EXOC2: variants seen among roughly 807,000 people sequenced by gnomAD.
The protein encoded by EXOC2 is SEC5-like 1.
Under a neutral mutation model 131.8 loss-of-function variants are expected in EXOC2, and 70 were observed. The ratio of observed to expected loss-of-function variants is 0.53; its 90% CI spans 0.44 to 0.65. EXOC2 has a LOEUF of 0.65. Among genes scored for constraint, EXOC2 ranks in the 30% least tolerant of loss-of-function variants. The probability of loss-of-function intolerance (pLI) is 0.00; values close to 1 mark genes in which losing one functional copy is unlikely to be tolerated. For synonymous variants in EXOC2, 411 were observed against 398.4 expected (o/e 1.03, Z -0.38); for missense variants, 923 against 1,108.6 (o/e 0.83, Z 2.38).
intron 1 of EXOC2, chr6:679,109 C>T (rs1035553444): frequency 1.3e-5 from 2 of 151,990 alleles, no homozygotes; most frequent in African/African-American, 4.8e-5. Flanking sequence ...CAACGGTGAA[C>T]ACACTAAGTT....
chr6:587,654 A>G (rs1759291511), intron 11 of EXOC2, among the ~76,000 whole-genome samples: 1 of 152,178 alleles, frequency 6.6e-6, no homozygotes, highest in Admixed American at 6.5e-5. Context: ...ACTCTATTTC[A>G]CTAATGGCGA....
intron 13 of EXOC2, among the ~76,000 whole-genome samples, chr6:567,185 G>C (rs575812838): frequency 1.3e-5 from 2 of 152,336 alleles, no homozygotes; most frequent in Non-Finnish European, 2.9e-5. Context: ...GGCCTGGGAT[G>C]AAGCCACTGC....
intron 5 of EXOC2, among the ~76,000 whole-genome samples, chr6:618,672 G>T (rs1761135660): frequency 6.6e-6 from 1 of 152,072 alleles, no homozygotes; most frequent in African/African-American, 2.4e-5. Flanking sequence ...TTGGACATTT[G>T]CTTTAAAAAG....
chr6:662,495 A>G (rs1581652247), intron 1 of EXOC2, among the ~76,000 whole-genome samples: 1 of 152,382 alleles, frequency 6.6e-6, no homozygotes, highest in Non-Finnish European at 1.5e-5. Context: ...ATCAACTCCA[A>G]ACAGAACCTT....
At chr6:662,206 G>A (rs185360414) in intron 1 of EXOC2, among the ~76,000 whole-genome samples, 2 of 152,112 alleles carry the variant, frequency 1.3e-5, no homozygotes, top group Admixed American at 6.5e-5. Flanking sequence ...AATAATAGTG[G>A]GGGACTTCAA....
Position 560,197 on chromosome 6 carries a change from C to T in EXOC2, c.1851+2587G>A, listed in dbSNP as rs77158047. On this transcript the variant is annotated intron_variant, in intron 17 of 27. Transcript: ENST00000230449. ...GAGCTTTGCAGTTTACCAGGTGCTT[C>T]GGTCCACAGTATCTCATTGTATCCT... is the stretch of plus-strand genomic sequence containing the variant. Among the ~76,000 whole-genome samples, 19 of 152,342 alleles carry T rather than the reference C, an allele frequency of 1.2e-4. No individual in the cohort carries two copies. In the East Asian group the frequency reaches 3.5e-3, roughly 28 times the overall value.
chr6:637,459 T>C (rs1003847002), intron 2 of EXOC2, among the ~76,000 whole-genome samples: 4 of 152,126 alleles, frequency 2.6e-5, no homozygotes, highest in African/African-American at 4.8e-5. Context: ...CAGAGGCAAA[T>C]CTCAGCCCTG....
At chr6:544,653 T>C (rs1213079126) in intron 22 of EXOC2, among the ~76,000 whole-genome samples, 4 of 152,232 alleles carry the variant, frequency 2.6e-5, no homozygotes, top group African/African-American at 4.8e-5. Context: ...GGTATTCAAA[T>C]GGTTTCCAAC....
intron 13 of EXOC2, among the ~76,000 whole-genome samples, chr6:570,279 G>A (rs1187631383): frequency 1.3e-5 from 2 of 151,868 alleles, no homozygotes; most frequent in South Asian, 2.1e-4. Flanking sequence ...AACTACAGGC[G>A]CCCGCCACCA....
intron 5 of EXOC2, 144 bp downstream of exon 5, chr6:619,286 G>A (rs577016530): frequency 1.6e-5 from 9 of 554,802 alleles, no homozygotes; most frequent in Middle Eastern, 2.7e-4. Flanking sequence ...AGATGTTCAC[G>A]GGTAAACGCA....
chr6:634,073 T>C (rs200212214), intron 2 of EXOC2, among the ~76,000 whole-genome samples: 2 of 16,704 alleles, frequency 1.2e-4, no homozygotes, highest in Non-Finnish European at 3.6e-4. Context: ...GACGTTTTCT[T>C]TTTTTTTTTT....
At chr6:586,172 C>G (rs971101343) in intron 11 of EXOC2, among the ~76,000 whole-genome samples, 7 of 152,300 alleles carry the variant, frequency 4.6e-5, no homozygotes, top group African/African-American at 1.7e-4. Flanking sequence ...CAGCAGGTGC[C>G]AAGCAAACAA....
chr6:606,611 C>G lies in EXOC2; in HGVS notation c.742+3487G>C, dbSNP rs1760429809. Among the ~76,000 whole-genome samples, 3 of 152,202 alleles carry G rather than the reference C, an allele frequency of 2.0e-5. No homozygotes were observed. In the South Asian group the frequency reaches 6.2e-4, roughly 31 times the overall value. ...ACAGATTATCCTGCTCCTTTCTAAG[C>G]GTGAATCAACTTCTGATATTTTTTC... is the stretch of plus-strand genomic sequence containing the variant. On this transcript the variant is annotated intron_variant, in intron 7 of 27. Coordinates refer to ENST00000230449, the MANE Select transcript of EXOC2 (RefSeq NM_018303.6).
At chr6:616,725 G>A (rs910487008) in intron 6 of EXOC2, among the ~76,000 whole-genome samples, 2 of 151,448 alleles carry the variant, frequency 1.3e-5, no homozygotes, top group Non-Finnish European at 2.9e-5. Context: ...CAGGAAGAGG[G>A]GGGCTTATTT....
intron 22 of EXOC2, among the ~76,000 whole-genome samples, chr6:534,699 T>C (rs1581384972): frequency 6.6e-6 from 1 of 152,332 alleles, no homozygotes; most frequent in Middle Eastern, 3.4e-3. Flanking sequence ...ATTTCACCCA[T>C]GTAATGAGAA....
chr6:575,397 C>T (rs1758518827), intron 12 of EXOC2, among the ~76,000 whole-genome samples: 2 of 152,112 alleles, frequency 1.3e-5, no homozygotes, highest in African/African-American at 4.8e-5. Context: ...GTGAGCTGCA[C>T]CTTTTTTCCC....
intron 22 of EXOC2, among the ~76,000 whole-genome samples, chr6:541,039 C>A (rs9392067): frequency 6.6e-6 from 1 of 152,152 alleles, no homozygotes; most frequent in African/African-American, 2.4e-5. Flanking sequence ...CGTAAGGACA[C>A]GATCTTTTCA....
Position 631,261 on chromosome 6 carries a change from C to T in EXOC2, c.296-1300G>A, listed in dbSNP as rs539443435. 3.1e-4 allele frequency among the ~76,000 whole-genome samples: 47 copies of T among 152,296 alleles called. 2 individuals are homozygous for T. The South Asian group carries it at 8.3e-3, about 27-fold the overall frequency. On this transcript the variant is annotated intron_variant, in intron 3 of 27. Coordinates refer to ENST00000230449, the MANE Select transcript of EXOC2 (RefSeq NM_018303.6). ...TTCAGTTCAAGAAAGCTTTACTGGC[C>T]GGGTGCAGTAGCTCACACCTGTAAT... is the stretch of plus-strand genomic sequence containing the variant.
intron 22 of EXOC2, among the ~76,000 whole-genome samples, chr6:548,558 T>G (rs1394891852): frequency 1.3e-5 from 2 of 152,226 alleles, no homozygotes; most frequent in Non-Finnish European, 2.9e-5. Flanking sequence ...TCCATTAATT[T>G]CTACTGGACT....
Sources: allele counts gnomAD v4.1 joint callset (sites outside exome capture counted in the v4.1 genomes callset), GRCh38; gene constraint gnomAD v4.1.1; transcripts MANE v1.5; gene names NCBI Gene and HGNC (gene_info 2026-07-23, HGNC 2026-07-21).